The following C10orf143 variants were observed in gnomAD, a reference collection of about 807,000 sequenced individuals.
C10orf143 encodes the protein uncharacterized protein C10orf143.
At position 130,043,057 on chromosome 10, in the gene C10orf143, G is replaced by A. The variant is rs1038314518; in HGVS notation, c.298-7087C>T. 3.9e-5 allele frequency among the ~76,000 whole-genome samples: 6 copies of A among 152,312 alleles called. No homozygotes were observed. In the South Asian group the frequency reaches 8.3e-4, roughly 21 times the overall value. ...TGCTCACTGCAGCTGGGTGAGGGGC[G>A]TGGAGGCTCACTGGCCTAGCATGCT... On this transcript the variant is annotated intron_variant and NMD_transcript_variant, in intron 3 of 5. Coordinates refer to the C10orf143 transcript ENST00000643056.
At position 130,064,118 on chromosome 10, in the gene C10orf143, C is replaced by G; in HGVS notation, c.*236G>C. On this transcript the variant is annotated 3_prime_UTR_variant, in exon 4 of 4. Coordinates refer to ENST00000637128, the MANE Select transcript of C10orf143 (RefSeq NM_001355042.2). ...GAACATTCGAAAGGAGGCTGTAGTA[C>G]GTAGTAAGGATTTGGGGGCTCTTTT... The G allele has an allele frequency of 2.7e-6, 1 of 371,638 alleles. No individual in the cohort carries two copies. The highest frequency in any genetic ancestry group is 4.8e-6 in the Non-Finnish European group (1 of 210,026). The allele number at this position is 371,638 out of a possible 1,614,324, so 23.0% of individuals were successfully genotyped here.
chr10:130,089,993 A>G (rs1861354343), intron 1 of C10orf143, among the ~76,000 whole-genome samples: 1 of 152,230 alleles, frequency 6.6e-6, no homozygotes. Flanking sequence ...TGATCTTGGA[A>G]TAGGCAAATA....
intron 3 of C10orf143, among the ~76,000 whole-genome samples, chr10:130,039,657 G>A (rs1860584487): frequency 6.6e-6 from 1 of 152,198 alleles, no homozygotes; most frequent in East Asian, 1.9e-4. Context: ...GCACAGCCAA[G>A]TGGACCCATA....
At chr10:130,048,019 A>G (rs1307066407) in intron 3 of C10orf143, among the ~76,000 whole-genome samples, 2 of 152,072 alleles carry the variant, frequency 1.3e-5, no homozygotes, top group African/African-American at 4.8e-5. Context: ...TACTATTTGC[A>G]ATTTGTCTCC....
intron 1 of C10orf143, chr10:130,108,301 T>C: frequency 6.4e-7 from 1 of 1,565,902 alleles, no homozygotes; most frequent in Non-Finnish European, 8.8e-7. Context: ...GAAATGTCTA[T>C]CCACCGAGGG....
At chr10:130,072,560 T>A (rs149639185) in intron 3 of C10orf143, among the ~76,000 whole-genome samples, 52 of 152,354 alleles carry the variant, frequency 3.4e-4, no homozygotes, top group African/African-American at 1.3e-3. Context: ...AATGAACATA[T>A]CATGCACTTT....
At chr10:130,107,908 G>A (rs1437675689) in intron 1 of C10orf143, 4 of 1,348,640 alleles carry the variant, frequency 3.0e-6, no homozygotes, top group East Asian at 2.3e-5. Flanking sequence ...CTCCACAAAG[G>A]CAAGACAGAT....
rs140648638 is a variant in C10orf143, at chr10:130,091,532, G to A, written c.70-11631C>T. On this transcript the variant is annotated intron_variant, in intron 1 of 3. Coordinates refer to ENST00000637128, the MANE Select transcript of C10orf143 (RefSeq NM_001355042.2). ...CTCCTCCAAAGGAATACAACTCCTC[G>A]CCAGCAAGAGAACAAAACTGGAGAG... Among the ~76,000 whole-genome samples, 8 of 152,236 alleles carry A rather than the reference G, an allele frequency of 5.3e-5. No individual in the cohort carries two copies. In the East Asian group the frequency reaches 9.7e-4, roughly 18 times the overall value.
rs1250056325 is a variant in C10orf143, at chr10:130,044,897, A to G, written c.298-8927T>C. On this transcript the variant is annotated intron_variant and NMD_transcript_variant, in intron 3 of 5. Coordinates refer to the C10orf143 transcript ENST00000643056. ...CCAACAGCAATGCCCAGCCCTGCGCATAGGTGTGCGGATTGCAAGCAGGGT... is the reference window on the plus strand; with the variant it reads ...CCAACAGCAATGCCCAGCCCTGCGCGTAGGTGTGCGGATTGCAAGCAGGGT... 2.6e-5 allele frequency among the ~76,000 whole-genome samples: 4 copies of G among 152,286 alleles called. No homozygotes were observed. The South Asian group carries it at 8.3e-4, about 32-fold the overall frequency.
chr10:130,049,316 G>A (rs1267151140), intron 3 of C10orf143, among the ~76,000 whole-genome samples: 2 of 152,208 alleles, frequency 1.3e-5, no homozygotes, highest in Non-Finnish European at 2.9e-5. Context: ...GCCACTGGAG[G>A]GAACACTGTG....
intron 1 of C10orf143, among the ~76,000 whole-genome samples, chr10:130,095,169 G>C (rs1362176692): frequency 6.7e-6 from 1 of 150,090 alleles, no homozygotes; most frequent in Non-Finnish European, 1.5e-5. Flanking sequence ...CAACTTACAA[G>C]GGATGTGAAG....
intron 1 of C10orf143, among the ~76,000 whole-genome samples, chr10:130,098,676 G>A (rs1374130914): frequency 6.6e-6 from 1 of 152,184 alleles, no homozygotes; most frequent in Non-Finnish European, 1.5e-5. Flanking sequence ...TCCTTCCAGG[G>A]TCAGTGCTGG....
chr10:130,107,582 G>A, intron 1 of C10orf143: 1 of 1,347,688 alleles, frequency 7.4e-7, no homozygotes, highest in Non-Finnish European at 1.1e-6. Context: ...ATTTGGCAGA[G>A]AGCATTCCCC....
intron 1 of C10orf143, chr10:130,106,994 GCTA>G: frequency 8.3e-6 from 9 of 1,086,872 alleles, no homozygotes; most frequent in Non-Finnish European, 1.3e-5. Context: ...ACTGATTCAT[GCTA>G]CTAAGTTAAA....
intron 3 of C10orf143, chr10:130,064,883 G>A (rs1001415262): frequency 1.3e-5 from 2 of 152,278 alleles, no homozygotes; most frequent in Non-Finnish European, 2.9e-5. Flanking sequence ...GAAGTAACTG[G>A]GAGAACCAGA....
intron 4 of C10orf143, among the ~76,000 whole-genome samples, chr10:130,035,495 C>A (rs1171110907): frequency 6.6e-6 from 1 of 152,238 alleles, no homozygotes; most frequent in Non-Finnish European, 1.5e-5. Context: ...GAGGACTACC[C>A]TCTCCTAAAA....
chr10:130,080,312 A>C (rs1861185893), intron 1 of C10orf143, among the ~76,000 whole-genome samples: 1 of 152,218 alleles, frequency 6.6e-6, no homozygotes, highest in African/African-American at 2.4e-5. Context: ...ACATGTGACT[A>C]CTTCTGTGTC....
intron 1 of C10orf143, among the ~76,000 whole-genome samples, chr10:130,093,702 A>C (rs1861418354): frequency 6.6e-6 from 1 of 152,098 alleles, no homozygotes. Flanking sequence ...GAGAAGAACC[A>C]AACAGACACA....
intron 3 of C10orf143, among the ~76,000 whole-genome samples, chr10:130,036,803 G>A (rs896885304): frequency 2.0e-5 from 3 of 152,124 alleles, no homozygotes; most frequent in African/African-American, 4.8e-5. Flanking sequence ...GGTGCTGGGC[G>A]CAAGTTCCTA....
Sources: allele counts gnomAD v4.1 joint callset (sites outside exome capture counted in the v4.1 genomes callset), GRCh38; gene constraint gnomAD v4.1.1; transcripts MANE v1.5; gene names NCBI Gene and HGNC (gene_info 2026-07-23, HGNC 2026-07-21).